CBLN2: variants seen among roughly 807,000 people sequenced by gnomAD.
CBLN2 encodes the protein cerebellin-2.
CBLN2 carries 7 observed loss-of-function variants against 15.0 expected under a neutral mutation model. The observed-to-expected ratio is 0.47, with a 90% CI of 0.27 to 0.88. CBLN2 has a LOEUF of 0.88. Among genes scored for constraint, CBLN2 ranks in the 40% least tolerant of loss-of-function variants. The pLI, the probability that CBLN2 is intolerant of heterozygous loss-of-function variation, is 0.14. For synonymous variants in CBLN2, 149 were observed against 135.2 expected (o/e 1.10, Z -0.71); for missense variants, 242 against 304.5 (o/e 0.79, Z 1.53).
intron 1 of CBLN2, among the ~76,000 whole-genome samples, chr18:72,584,942 G>A (rs1250830904): frequency 6.6e-6 from 1 of 152,190 alleles, no homozygotes; most frequent in Non-Finnish European, 1.5e-5. Flanking sequence ...CAGGCACAGA[G>A]CAGTGAAGGG....
At chr18:72,634,049 A>G (rs1178771631) in intron 1 of CBLN2, among the ~76,000 whole-genome samples, 3 of 150,674 alleles carry the variant, frequency 2.0e-5, no homozygotes, top group Non-Finnish European at 4.5e-5. Flanking sequence ...AGTTATGTTA[A>G]ATAAAAAAAT....
Position 72,589,431 on chromosome 18 carries a change from G to A in CBLN2, c.15+48894C>T, listed in dbSNP as rs565038960. Among the ~76,000 whole-genome samples, 7 of 152,278 alleles carry A rather than the reference G, an allele frequency of 4.6e-5. No individual in the cohort carries two copies. The East Asian group carries it at 9.7e-4, about 21-fold the overall frequency. Reference sequence around the variant, plus strand: ...GTGGTCCCTCCAGTGGTGTAACCCTGGAGTTTGGGATAGAGGTGGGCCACA... The same window carrying A: ...GTGGTCCCTCCAGTGGTGTAACCCTAGAGTTTGGGATAGAGGTGGGCCACA... On this transcript the variant is annotated intron_variant, in intron 1 of 2. Coordinates refer to the CBLN2 transcript ENST00000581073.
At chr18:72,573,107 A>G (rs926629364) in intron 1 of CBLN2, among the ~76,000 whole-genome samples, 3 of 152,198 alleles carry the variant, frequency 2.0e-5, no homozygotes. Context: ...AGCATAGGAA[A>G]GATATCAACA....
intron 1 of CBLN2, among the ~76,000 whole-genome samples, chr18:72,593,749 T>C (rs775891484): frequency 6.6e-6 from 1 of 152,168 alleles, no homozygotes; most frequent in African/African-American, 2.4e-5. Context: ...TTTTTTAGCA[T>C]CAATTGAAAT....
chr18:72,622,524 G>A (rs629826), intron 1 of CBLN2, among the ~76,000 whole-genome samples: 151,133 of 152,158 alleles, frequency 0.99, 75,062 homozygotes, highest in Middle Eastern at 1. Context: ...GAAAGGAGAG[G>A]AATTTGCTCA....
chr18:72,593,348 A>G (rs1051138114), intron 1 of CBLN2, among the ~76,000 whole-genome samples: 7 of 152,252 alleles, frequency 4.6e-5, no homozygotes, highest in Non-Finnish European at 7.4e-5. Flanking sequence ...CAATTTTTGT[A>G]TGTTGACTTT....
At chr18:72,633,233 A>C (rs937104252) in intron 1 of CBLN2, among the ~76,000 whole-genome samples, 3 of 152,174 alleles carry the variant, frequency 2.0e-5, no homozygotes, top group Non-Finnish European at 4.4e-5. Flanking sequence ...AAGCAGACTT[A>C]CTTCATTCAG....
At position 72,542,185 on chromosome 18, in the gene CBLN2, G is replaced by T. The variant is rs1207232622; in HGVS notation, c.-25C>A. 13 of 1,204,268 alleles carry T rather than the reference G, an allele frequency of 1.1e-5. No individual in the cohort carries two copies. The East Asian group carries it at 3.6e-4, about 33-fold the overall frequency. 74.6% of individuals were successfully genotyped at this position (1,204,268 alleles called of 1,614,324 possible). A position where few individuals can be genotyped will look rare whatever the true frequency, so the allele number is the denominator to read the frequency against. ...TCGGGACTGGTGGGAGGCGGCGCGC[G>T]GGGGTGGAGGCCGGCGCCGGCGCGA... On this transcript the variant is annotated 5_prime_UTR_variant, in exon 3 of 5. Coordinates refer to ENST00000269503, the MANE Select transcript of CBLN2 (RefSeq NM_182511.4).
chr18:72,563,633 A>G (rs1386949690), intron 1 of CBLN2, among the ~76,000 whole-genome samples: 1 of 152,208 alleles, frequency 6.6e-6, no homozygotes, highest in African/African-American at 2.4e-5. Context: ...TGGAAACAAG[A>G]GAGTTCCAAG....
chr18:72,628,463 A>G (rs1203412574), intron 1 of CBLN2, among the ~76,000 whole-genome samples: 1 of 152,208 alleles, frequency 6.6e-6, no homozygotes, highest in Non-Finnish European at 1.5e-5. Context: ...CTGACCCCTC[A>G]GGGAGCTCAA....
chr18:72,556,497 G>T (rs559690954), intron 1 of CBLN2, among the ~76,000 whole-genome samples: 2 of 152,288 alleles, frequency 1.3e-5, no homozygotes, highest in East Asian at 1.9e-4. Flanking sequence ...GAAAAGAAAA[G>T]AAAAGAAAAT....
intron 1 of CBLN2, among the ~76,000 whole-genome samples, chr18:72,579,206 T>C (rs1013578346): frequency 6.6e-5 from 10 of 152,280 alleles, no homozygotes; most frequent in Admixed American, 2.6e-4. Context: ...TCTCCAAAAT[T>C]TGAAGTATAA....
At chr18:72,595,978 C>G (rs1200152152) in intron 1 of CBLN2, among the ~76,000 whole-genome samples, 1 of 152,034 alleles carries the variant, frequency 6.6e-6, no homozygotes, top group African/African-American at 2.4e-5. Context: ...ATCCTTTCAG[C>G]CACTACATGT....
intron 3 of CBLN2, among the ~76,000 whole-genome samples, chr18:72,541,419 A>C (rs974296478): frequency 6.6e-6 from 1 of 152,120 alleles, no homozygotes; most frequent in African/African-American, 2.4e-5. Flanking sequence ...AAATGCACTC[A>C]ATCCTTCAGG....
chr18:72,553,458 T>TGGTA (rs1555701361), intron 1 of CBLN2, among the ~76,000 whole-genome samples: 4 of 148,808 alleles, frequency 2.7e-5, no homozygotes, highest in Admixed American at 1.3e-4. Context: ...TAACAATTTG[T>TGGTA]GATAGATAGA....
intron 1 of CBLN2, chr18:72,625,359 C>T (rs1034241197): frequency 6.6e-6 from 1 of 152,060 alleles, no homozygotes; most frequent in African/African-American, 2.4e-5. Context: ...CTTTCTGTCC[C>T]TCCTCCTCCC....
At chr18:72,605,508 G>A (rs1468814763) in intron 1 of CBLN2, among the ~76,000 whole-genome samples, 1 of 152,124 alleles carries the variant, frequency 6.6e-6, no homozygotes, top group Non-Finnish European at 1.5e-5. Context: ...TTTTATTAAT[G>A]CATTTTTCTA....
chr18:72,630,588 G>GAGAGAGAGAGAGAGAGAGAGAGAGAGA lies in CBLN2; in HGVS notation c.15+7736_15+7737insTCTCTCTCTCTCTCTCTCTCTCTCTCT, dbSNP rs1568137265. 2.7e-5 allele frequency among the ~76,000 whole-genome samples: 4 copies of GAGAGAGAGAGAGAGAGAGAGAGAGAGA among 150,482 alleles called. No homozygotes were observed. The South Asian group carries it at 6.3e-4, about 24-fold the overall frequency. On this transcript the variant is annotated intron_variant, in intron 1 of 2. Transcript: ENST00000581073. ...GCAGAGAGAGAGAGAGAGAGAGAGA[G>GAGAGAGAGAGAGAGAGAGAGAGAGAGA]GCTTTCTGTATTTAGACAAGAAAAT...
chr18:72,544,973 C>CTTATAATAATAATAATAA (rs1555700575), upstream of CBLN2, among the ~76,000 whole-genome samples: 1 of 147,240 alleles, frequency 6.8e-6, no homozygotes, highest in African/African-American at 2.5e-5. Flanking sequence ...TTCTGATAGG[C>CTTATAATAATAATAATAA]TAATAATAAT....
Sources: allele counts gnomAD v4.1 joint callset (sites outside exome capture counted in the v4.1 genomes callset), GRCh38; gene constraint gnomAD v4.1.1; transcripts MANE v1.5; gene names NCBI Gene and HGNC (gene_info 2026-07-23, HGNC 2026-07-21).